CCN2: variants seen among roughly 807,000 people sequenced by gnomAD.
CCN2 encodes the protein CCN family member 2.
CCN2 carries 22 observed loss-of-function variants against 33.2 expected under a neutral mutation model. The observed-to-expected ratio is 0.66, with a 90% CI of 0.47 to 0.95. The LOEUF (loss-of-function observed/expected upper bound fraction) is 0.95, where lower values mean the gene tolerates loss of function less well. Among genes scored for constraint, CCN2 ranks in the 40% least tolerant of loss-of-function variants. CCN2 has a pLI of 0.00. For synonymous variants in CCN2, 178 were observed against 200.6 expected, an observed-to-expected ratio of 0.89 and a Z score of 0.95; for missense variants, 469 against 498.8, an observed-to-expected ratio of 0.94 and a Z score of 0.57.
chr6:131,949,176 G>T lies in CCN2; in HGVS notation c.*88C>A. 1 of 1,154,702 alleles carries T rather than the reference G, an allele frequency of 8.7e-7. No individual in the cohort carries two copies. Among genetic ancestry groups the T allele is most frequent in the Non-Finnish European group, 1.3e-6 (1 of 785,606 alleles). 71.5% of individuals were successfully genotyped at this position (1,154,702 alleles called of 1,614,324 possible). A position where few individuals can be genotyped will look rare whatever the true frequency, so the allele number is the denominator to read the frequency against. On this transcript the variant is annotated 3_prime_UTR_variant, in exon 5 of 5. Coordinates refer to ENST00000367976, the MANE Select transcript of CCN2 (RefSeq NM_001901.4). ...TTAGAAAAACAGATTTAAATAACTT[G>T]TGCTACTGAAATCATTTTTACGGAA...
At position 131,950,127 on chromosome 6, in the gene CCN2, G is replaced by T; in HGVS notation, c.575C>A (p.Pro192Gln). The T allele has an allele frequency of 6.2e-7, 1 of 1,614,232 alleles. No individual in the cohort carries two copies. Among genetic ancestry groups the T allele is most frequent in the East Asian group, 2.2e-5 (1 of 44,888 alleles). ...YRLEDTFGPDPTMIRANCLVQ... is the reference protein window; with the variant it reads ...YRLEDTFGPDQTMIRANCLVQ... ...CAGGCAGTTGGCTCTAATCATAGTT[G>T]GGTCTGGGCCAAACGTGTCTTCCAG... The change falls in exon 4 of 5, where the codon CCA becomes CAA. Residue 192 changes from proline (P) to glutamine (Q), a missense_variant. Pro to Gln is a moderately conservative substitution (Grantham distance 76, BLOSUM62 -1). Transcript: ENST00000367976. The surrounding 1 kb of genome is among the most constrained non-coding windows in gnomAD (Gnocchi z 7.1).
Position 131,950,708 on chromosome 6 carries a change from G to T in CCN2, c.289+62C>A. ...AGTCCGAGCGGTTTCTTTTTCCAGC[G>T]GGCGGGTGGGCGTGAGGGAGGAGGC... is the stretch of plus-strand genomic sequence containing the variant. On this transcript the variant is annotated intron_variant, in intron 2 of 4. Coordinates refer to ENST00000367976, the MANE Select transcript of CCN2 (RefSeq NM_001901.4). This position sits in a 1 kb window ranked among gnomAD's most constrained non-coding sequence, Gnocchi z 7.1. 1 of 1,473,032 alleles carries T rather than the reference G, an allele frequency of 6.8e-7. No individual in the cohort carries two copies. Among genetic ancestry groups the T allele is most frequent in the Admixed American group, 2.2e-5 (1 of 46,502 alleles). The allele number at this position is 1,473,032 out of a possible 1,614,324, so 91.2% of individuals were successfully genotyped here.
rs1021407891 is a variant in CCN2, at chr6:131,948,594, CACAA to C, written c.*666_*669del. 2 of 152,352 alleles carry C rather than the reference CACAA, an allele frequency of 1.3e-5. No homozygotes were observed. The highest frequency in any genetic ancestry group is 4.8e-5 in the African/African-American group (2 of 41,372). 9.4% of individuals were successfully genotyped at this position (152,352 alleles called of 1,614,324 possible). A position where few individuals can be genotyped will look rare whatever the true frequency, so the allele number is the denominator to read the frequency against. On this transcript the variant is annotated 3_prime_UTR_variant, in exon 5 of 5. Transcript: ENST00000367976. ...AGCATTAAAAACAAAAATAAAAAGG[CACAA>C]ACAACTTTAAATTAACTTAGATAAC... is the stretch of plus-strand genomic sequence containing the variant.
At position 131,949,110 on chromosome 6, in the gene CCN2, T is replaced by C. The variant is rs529098183; in HGVS notation, c.*154A>G. 5.8e-5 allele frequency: 40 copies of C among 685,462 alleles called. No homozygotes were observed. The highest frequency in any genetic ancestry group is 1.0e-4 in the Admixed American group (4 of 38,560). The allele number at this position is 685,462 out of a possible 1,614,324, so 42.5% of individuals were successfully genotyped here. A position where few individuals can be genotyped will look rare whatever the true frequency, so the allele number is the denominator to read the frequency against. ...GGGTTGATAGACTATTTGTTTGACA[T>C]GGCACAATGTTTTGAATTGGGTGGG... On this transcript the variant is annotated 3_prime_UTR_variant, in exon 5 of 5. Transcript: ENST00000367976.
At position 131,950,563 on chromosome 6, in the gene CCN2, G is replaced by A; in HGVS notation, c.290-20C>T. 2 of 1,609,896 alleles carry A rather than the reference G, an allele frequency of 1.2e-6. No individual in the cohort carries two copies. The highest frequency in any genetic ancestry group is 4.5e-5 in the East Asian group (2 of 44,758). ...CTTTGGCTGGAGAAGAGGAAGGGAA[G>A]AGAGGGGTGGGGGATGCAGAGGTCA... On this transcript the variant is annotated intron_variant, in intron 2 of 4. Transcript: ENST00000367976. This position sits in a 1 kb window ranked among gnomAD's most constrained non-coding sequence, Gnocchi z 7.1.
chr6:131,950,442 C>T lies in CCN2; in HGVS notation c.391G>A (p.Val131Met), dbSNP rs776713121. The T allele has an allele frequency of 6.2e-7, 1 of 1,614,008 alleles. No individual in the cohort carries two copies. The highest frequency in any genetic ancestry group is 8.5e-7 in the Non-Finnish European group (1 of 1,180,044). The change falls in exon 3 of 5, where the codon GTG (valine) becomes ATG (methionine). Residue 131 changes from valine to methionine, a missense_variant. By Grantham distance (21) the Val-to-Met change is conservative (BLOSUM62 1). Transcript: ENST00000367976. This position sits in a 1 kb window ranked among gnomAD's most constrained non-coding sequence, Gnocchi z 7.1. ...KYQCTCLDGA[V>M]GCMPLCSMDV... ...ATGCTGCACAGGGGCATGCAGCCCA[C>T]CGCCCCGTCCAGGCACGTGCACTGG... is the stretch of plus-strand genomic sequence containing the variant.
rs1015600947 is a variant in CCN2 at position 131,949,137 on chromosome 6, A to G, written c.*127T>C. The G allele has an allele frequency of 4.8e-6, 4 of 833,390 alleles. No homozygotes were observed. The African/African-American group carries it at 6.7e-5, about 14-fold the overall frequency. 51.6% of individuals were successfully genotyped at this position (833,390 alleles called of 1,614,324 possible). On this transcript the variant is annotated 3_prime_UTR_variant, in exon 5 of 5. Transcript: ENST00000367976. ...GCACAATGTTTTGAATTGGGTGGGA[A>G]TCTTTTCCCCCAGTTAGAAAAACAG...
At chr6:131,951,031 CGCGCACGCCCTCCCCGGCCGGCCCCGAGT>C in intron 1 of CCN2, 39 bp from the exon 2 acceptor site, 1 of 1,254,474 alleles carries the variant, frequency 8.0e-7, no homozygotes, top group Admixed American at 4.4e-5. Context: ...GCTCGGTCGG[CGCGCACGCCCTCCCCGGCCGGCCCCGAGT>C]CCCTCCCTGG....
Position 131,950,890 on chromosome 6 carries a change from A to T in CCN2, c.169T>A (p.Cys57Ser), listed in dbSNP as rs1461041423. 2.0e-6 allele frequency: 3 copies of T among 1,529,410 alleles called. No individual in the cohort carries two copies. The highest frequency in any genetic ancestry group is 2.6e-6 in the Non-Finnish European group (3 of 1,144,834). 94.7% of individuals were successfully genotyped at this position (1,529,410 alleles called of 1,614,324 possible). The change falls in exon 2 of 5, where the codon TGC (cysteine) becomes AGC (serine). Residue 57 changes from cysteine (C) to serine (S), a missense_variant. Coordinates refer to ENST00000367976, the MANE Select transcript of CCN2 (RefSeq NM_001901.4). This position sits in a 1 kb window ranked among gnomAD's most constrained non-coding sequence, Gnocchi z 7.1. ...VSLVLDGCGC[C>S]RVCAKQLGEL... ...CCCAGCTGCTTGGCGCAGACGCGGC[A>T]GCAGCCGCAGCCGTCCAGCACGAGG...
Position 131,950,617 on chromosome 6 carries a change from G to A in CCN2, c.290-74C>T. 6.4e-7 allele frequency: 1 copy of A among 1,570,818 alleles called. No homozygotes were observed. Among genetic ancestry groups the A allele is most frequent in the Non-Finnish European group, 8.7e-7 (1 of 1,154,736 alleles). ...ATTGGGGCACTCTCACATCCAGAGC[G>A]TCAGGGATGCGAGTTGGGATCTGGG... is the stretch of plus-strand genomic sequence containing the variant. On this transcript the variant is annotated intron_variant, in intron 2 of 4. Coordinates refer to ENST00000367976, the MANE Select transcript of CCN2 (RefSeq NM_001901.4). The surrounding 1 kb of genome is among the most constrained non-coding windows in gnomAD (Gnocchi z 7.1).
Position 131,948,756 on chromosome 6 carries a change from C to T in CCN2, c.*508G>A, listed in dbSNP as rs1053754559. On this transcript the variant is annotated 3_prime_UTR_variant, in exon 5 of 5. Coordinates refer to ENST00000367976, the MANE Select transcript of CCN2 (RefSeq NM_001901.4). ...AGTCTAATCGACAGGATTCCGATTCCTGAACAGTGTCATTCGAATCAGAAT... is the reference window on the plus strand; with the variant it reads ...AGTCTAATCGACAGGATTCCGATTCTTGAACAGTGTCATTCGAATCAGAAT... 6.0e-6 allele frequency: 1 copy of T among 165,776 alleles called. No homozygotes were observed. Among genetic ancestry groups the T allele is most frequent in the African/African-American group, 2.4e-5 (1 of 41,790 alleles). 10.3% of individuals were successfully genotyped at this position (165,776 alleles called of 1,614,324 possible).
chr6:131,949,709 A>G, intron 4 of CCN2, 149 bp from the exon 5 acceptor site: 1 of 891,764 alleles, frequency 1.1e-6, no homozygotes, highest in African/African-American at 1.7e-5. Context: ...CTCATTTGCT[A>G]TGTCCAAAAA....
At position 131,951,355 on chromosome 6, in the gene CCN2, G is replaced by C. The variant is rs888069051; in HGVS notation, c.-183C>G. On this transcript the variant is annotated 5_prime_UTR_variant, in exon 1 of 5. Coordinates refer to ENST00000367976, the MANE Select transcript of CCN2 (RefSeq NM_001901.4). The stretch of plus-strand genomic sequence containing the variant: ...GTCGCACTGGCTGTCTCCTCTCAGC[G>C]GGGAAGAGTTGTTGTGTGAGTTTGG... The C allele has an allele frequency of 3.6e-5, 16 of 444,826 alleles. No individual in the cohort carries two copies. The highest frequency in any genetic ancestry group is 5.1e-5 in the Non-Finnish European group (14 of 276,722). The allele number at this position is 444,826 out of a possible 1,614,324, so 27.6% of individuals were successfully genotyped here. A position where few individuals can be genotyped will look rare whatever the true frequency, so the allele number is the denominator to read the frequency against.
In CCN2 at chr6:131,948,994, G is replaced by C. The variant is rs1783058554; in HGVS notation, c.*270C>G. On this transcript the variant is annotated 3_prime_UTR_variant, in exon 5 of 5. Coordinates refer to ENST00000367976, the MANE Select transcript of CCN2 (RefSeq NM_001901.4). ...ACCTTTCTGCTGGTACCCTCCCACTGCTCCTAAAGCCACACCTTAATATAC... is the reference window on the plus strand; with the variant it reads ...ACCTTTCTGCTGGTACCCTCCCACTCCTCCTAAAGCCACACCTTAATATAC... 2.1e-6 allele frequency: 1 copy of C among 472,540 alleles called. No individual in the cohort carries two copies. Among genetic ancestry groups the C allele is most frequent in the South Asian group, 2.5e-5 (1 of 40,404 alleles). The allele number at this position is 472,540 out of a possible 1,614,324, so 29.3% of individuals were successfully genotyped here.
In CCN2 at chr6:131,949,167, A is replaced by AGC; in HGVS notation, c.*96_*97insGC. The AGC allele has an allele frequency of 9.0e-7, 1 of 1,105,118 alleles. No homozygotes were observed. Among genetic ancestry groups the AGC allele is most frequent in the Non-Finnish European group, 1.3e-6 (1 of 749,896 alleles). 68.5% of individuals were successfully genotyped at this position (1,105,118 alleles called of 1,614,324 possible). A position where few individuals can be genotyped will look rare whatever the true frequency, so the allele number is the denominator to read the frequency against. ...TTCCCCCAGTTAGAAAAACAGATTT[A>AGC]AATAACTTGTGCTACTGAAATCATT... is the stretch of plus-strand genomic sequence containing the variant. On this transcript the variant is annotated 3_prime_UTR_variant, in exon 5 of 5. Coordinates refer to ENST00000367976, the MANE Select transcript of CCN2 (RefSeq NM_001901.4).
rs766790698 is a variant in CCN2 at position 131,949,359 on chromosome 6, A to G, written c.955T>C (p.Phe319Leu). 6.2e-7 allele frequency: 1 copy of G among 1,614,160 alleles called. No individual in the cohort carries two copies. Among genetic ancestry groups the G allele is most frequent in the Non-Finnish European group, 8.5e-7 (1 of 1,180,028 alleles). ...TAATGGCAGGCACAGGTCTTGATGA[A>G]CATCATGTTCTTCTTCATGACCTCG... ...DGEVMKKNMM[F>L]IKTCACHYNC... The change falls in exon 5 of 5, where the codon TTC becomes CTC. Residue 319 changes from phenylalanine (F) to leucine (L), a missense_variant. Phe to Leu is a conservative substitution (Grantham distance 22). Coordinates refer to ENST00000367976, the MANE Select transcript of CCN2 (RefSeq NM_001901.4).
At position 131,949,549 on chromosome 6, in the gene CCN2, C is replaced by A. The variant is rs138854270; in HGVS notation, c.765G>T (p.Lys255Asn). 359 of 1,277,046 alleles carry A rather than the reference C, an allele frequency of 2.8e-4. 1 individual carries two copies. Among genetic ancestry groups the A allele is most frequent in the Admixed American group, 1.2e-4 (6 of 52,064 alleles). 79.1% of individuals were successfully genotyped at this position (1,277,046 alleles called of 1,614,324 possible). A position where few individuals can be genotyped will look rare whatever the true frequency, so the allele number is the denominator to read the frequency against. The change falls in exon 5 of 5, where the codon AAG becomes AAT. Residue 255 changes from lysine (K) to asparagine (N), a missense_variant. Lys to Asn is a moderately conservative substitution (Grantham distance 94, BLOSUM62 0). Coordinates refer to ENST00000367976, the MANE Select transcript of CCN2 (RefSeq NM_001901.4). ...TGGAGATTTTGGGAGTACGGATGCA[C>A]TTTTTGCCCTTCTAAGGAAGACAAG... ...DLEENIKKGK[K>N]CIRTPKISKP...
Position 131,951,279 on chromosome 6 carries a change from G to T in CCN2, c.-107C>A. On this transcript the variant is annotated 5_prime_UTR_variant, in exon 1 of 5. Transcript: ENST00000367976. ...GGTGGGGACCGGGACGCGCCGGGCTGTCGTCTCGGGGCTGTCGGCCGGGGC... is the reference window on the plus strand; with the variant it reads ...GGTGGGGACCGGGACGCGCCGGGCTTTCGTCTCGGGGCTGTCGGCCGGGGC... The T allele has an allele frequency of 1.0e-6, 1 of 998,050 alleles. No individual in the cohort carries two copies. The highest frequency in any genetic ancestry group is 1.3e-6 in the Non-Finnish European group (1 of 779,374). The allele number at this position is 998,050 out of a possible 1,614,324, so 61.8% of individuals were successfully genotyped here.
Position 131,950,390 on chromosome 6 carries a change from C to A in CCN2, c.443G>T (p.Cys148Phe). The change falls in exon 3 of 5, where the codon TGC becomes TTC. Residue 148 changes from cysteine to phenylalanine, a missense_variant. Cys to Phe is a radical substitution (Grantham distance 205, BLOSUM62 -2). Coordinates refer to ENST00000367976, the MANE Select transcript of CCN2 (RefSeq NM_001901.4). This position sits in a 1 kb window ranked among gnomAD's most constrained non-coding sequence, Gnocchi z 7.1. ...SMDVRLPSPD[C>F]PFPRRVKLPG... ...CAGCTTGACCCTCCTCGGGAAGGGG[C>A]AGTCAGGGCTGGGCAGACGAACGTC... The A allele has an allele frequency of 6.2e-7, 1 of 1,614,136 alleles. No homozygotes were observed. Among genetic ancestry groups the A allele is most frequent in the Non-Finnish European group, 8.5e-7 (1 of 1,180,044 alleles).
Sources: gnomAD v4.1 joint callset for allele counts on GRCh38, gnomAD v4.1.1 for gene constraint, Gnocchi (gnomAD v3.1) non-coding constraint, MANE v1.5 for transcripts, NCBI Gene and HGNC (gene_info 2026-07-23, HGNC 2026-07-21) for gene names.